The following WDFY2 variants were observed in gnomAD, a reference collection of about 807,000 sequenced individuals.
WDFY2 encodes the protein WD repeat and FYVE domain-containing protein 2.
In WDFY2, 36 loss-of-function variants were observed where a neutral mutation model predicts 56.4. The ratio of observed to expected loss-of-function variants is 0.64; its 90% CI spans 0.49 to 0.84. The LOEUF is 0.84. WDFY2 is among the 40% of genes least tolerant of loss of function. The probability of loss-of-function intolerance (pLI) is 0.00; values close to 1 mark genes in which losing one functional copy is unlikely to be tolerated. For missense variants in WDFY2, 444 were observed against 512.2 expected (o/e 0.87, Z 1.29); for synonymous variants, 176 against 183.7 (o/e 0.96, Z 0.34).
chr13:51,693,068 A>G (rs1951780438), intron 3 of WDFY2, among the ~76,000 whole-genome samples: 1 of 151,954 alleles, frequency 6.6e-6, no homozygotes, highest in African/African-American at 2.4e-5. Flanking sequence ...TATTGCGTCT[A>G]TTTGATTCTT....
intron 6 of WDFY2, among the ~76,000 whole-genome samples, chr13:51,731,191 T>G (rs1437334727): frequency 1.3e-5 from 2 of 152,170 alleles, no homozygotes; most frequent in Admixed American, 6.5e-5. Flanking sequence ...CAGAGGTGGC[T>G]TTCAGCCTGA....
At chr13:51,640,170 A>G (rs994828186) in intron 1 of WDFY2, among the ~76,000 whole-genome samples, 1 of 152,218 alleles carries the variant, frequency 6.6e-6, no homozygotes, top group Non-Finnish European at 1.5e-5. Flanking sequence ...AGTAAATGAC[A>G]AAAGTGTTTA....
At chr13:51,635,176 T>C (rs1208576812) in intron 1 of WDFY2, among the ~76,000 whole-genome samples, 1 of 152,112 alleles carries the variant, frequency 6.6e-6, no homozygotes, top group African/African-American at 2.4e-5. Flanking sequence ...GCTCCCGACC[T>C]TCAGTGATCT....
rs1953897671 is a variant in WDFY2, at chr13:51,584,581, G to A, written c.-107G>A. 7.1e-7 allele frequency: 1 copy of A among 1,404,196 alleles called. No individual in the cohort carries two copies. The highest frequency in any genetic ancestry group is 1.5e-5 in the African/African-American group (1 of 68,878). 87.0% of individuals were successfully genotyped at this position (1,404,196 alleles called of 1,614,324 possible). A position where few individuals can be genotyped will look rare whatever the true frequency, so the allele number is the denominator to read the frequency against. ...TCGCCGGTTTCCGGCGTTCCGCTCC[G>A]GCCAGCCAGAGTCTCTGTCTCAACC... is the stretch of plus-strand genomic sequence containing the variant. On this transcript the variant is annotated 5_prime_UTR_variant, in exon 1 of 12. Coordinates refer to ENST00000298125, the MANE Select transcript of WDFY2 (RefSeq NM_052950.4).
At chr13:51,689,767 T>C (rs1956121040) in intron 3 of WDFY2, among the ~76,000 whole-genome samples, 1 of 152,154 alleles carries the variant, frequency 6.6e-6, no homozygotes, top group South Asian at 2.1e-4. Flanking sequence ...TTCATAATTA[T>C]AAACAAACAA....
At chr13:51,714,033 AGGT>A (rs1952287978) in intron 4 of WDFY2, among the ~76,000 whole-genome samples, 1 of 151,882 alleles carries the variant, frequency 6.6e-6, no homozygotes, top group Non-Finnish European at 1.5e-5. Flanking sequence ...AGAGAGTGAA[AGGT>A]GGTGATGGTT....
chr13:51,694,890 C>T (rs1378807708), intron 3 of WDFY2, among the ~76,000 whole-genome samples: 1 of 152,006 alleles, frequency 6.6e-6, no homozygotes, highest in Non-Finnish European at 1.5e-5. Context: ...TCTTTTTGTT[C>T]TTTTTTCTCT....
chr13:51,632,798 A>C (rs988364489), intron 1 of WDFY2, among the ~76,000 whole-genome samples: 2 of 152,080 alleles, frequency 1.3e-5, no homozygotes, highest in African/African-American at 2.4e-5. Flanking sequence ...TTTTCACTTC[A>C]CCTAAAATAC....
chr13:51,738,171 T>C lies in WDFY2; in HGVS notation c.599-878T>C, dbSNP rs192407004. On this transcript the variant is annotated intron_variant, in intron 6 of 11. Coordinates refer to ENST00000298125, the MANE Select transcript of WDFY2 (RefSeq NM_052950.4). ...TCTTTTCAGAATATAATATTTTTAA[T>C]AATGTAAAAAATGAGTATTTCTGAC... Among the ~76,000 whole-genome samples, 843 of 152,354 alleles carry C rather than the reference T, an allele frequency of 5.5e-3. 7 individuals carry two copies. Among genetic ancestry groups the C allele is most frequent in the Middle Eastern group, 0.034 (10 of 294 alleles).
rs1053473920 is a variant in WDFY2, at chr13:51,710,421, T to C, written c.334+6771T>C. Among the ~76,000 whole-genome samples, 8 of 152,080 alleles carry C rather than the reference T, an allele frequency of 5.3e-5. 1 individual carries two copies. Among genetic ancestry groups the C allele is most frequent in the Admixed American group, 5.2e-4 (8 of 15,272 alleles). On this transcript the variant is annotated intron_variant, in intron 4 of 11. Transcript: ENST00000298125. ...CTCACCACTCCTATTCAACATAGTG[T>C]TGGAAGTTCTGGCCAGGGCAATGAG...
rs796987345 is a variant in WDFY2 at position 51,690,541 on chromosome 13, C to G, written c.280-13055C>G. Among the ~76,000 whole-genome samples, 339 of 152,150 alleles carry G rather than the reference C, an allele frequency of 2.2e-3. 1 individual carries two copies. The highest frequency in any genetic ancestry group is 0.02 in the South Asian group (97 of 4,820). ...GACGTGAACTCATCATTTTTTATGG[C>G]TGCATAGTATTCCATGGTGTATATG... On this transcript the variant is annotated intron_variant, in intron 3 of 11. Transcript: ENST00000298125.
intron 1 of WDFY2, among the ~76,000 whole-genome samples, chr13:51,605,745 A>G (rs1389701164): frequency 6.6e-6 from 1 of 152,214 alleles, no homozygotes; most frequent in Non-Finnish European, 1.5e-5. Flanking sequence ...ACACTGCGTG[A>G]TGAAGGAGAA....
chr13:51,747,658 A>G (rs1416202506), intron 7 of WDFY2, among the ~76,000 whole-genome samples: 1 of 152,156 alleles, frequency 6.6e-6, no homozygotes, highest in Admixed American at 6.5e-5. Context: ...CAGCCTCCCT[A>G]GTAGCTGGGA....
chr13:51,603,860 A>G (rs908825559), intron 1 of WDFY2, among the ~76,000 whole-genome samples: 1 of 152,238 alleles, frequency 6.6e-6, no homozygotes, highest in Non-Finnish European at 1.5e-5. Context: ...GGCCTTAGGC[A>G]CAAGGCAGGT....
chr13:51,601,196 A>G (rs556880738), intron 1 of WDFY2, among the ~76,000 whole-genome samples: 1 of 152,320 alleles, frequency 6.6e-6, no homozygotes, highest in African/African-American at 2.4e-5. Context: ...TATTTAATCA[A>G]CTGAAATCCA....
At chr13:51,696,914 C>A (rs928558817) in intron 3 of WDFY2, among the ~76,000 whole-genome samples, 1 of 151,960 alleles carries the variant, frequency 6.6e-6, no homozygotes, top group Non-Finnish European at 1.5e-5. Flanking sequence ...CAAATAGTTC[C>A]GTGGAATATG....
chr13:51,646,092 T>C (rs980374587), intron 1 of WDFY2, among the ~76,000 whole-genome samples: 4 of 152,236 alleles, frequency 2.6e-5, no homozygotes, highest in African/African-American at 9.6e-5. Context: ...CATCCTTTTT[T>C]ACTTGGTTTG....
chr13:51,604,466 A>G (rs1005380228), intron 1 of WDFY2, among the ~76,000 whole-genome samples: 37 of 152,308 alleles, frequency 2.4e-4, no homozygotes, highest in African/African-American at 8.9e-4. Flanking sequence ...AGGGCAGTTT[A>G]TTATGAGCCT....
intron 8 of WDFY2, among the ~76,000 whole-genome samples, chr13:51,751,907 A>G (rs547802625): frequency 8.5e-5 from 13 of 152,298 alleles, no homozygotes; most frequent in Middle Eastern, 3.4e-3. Context: ...TCTAGCACGT[A>G]TTTACATGTT....
Sources: allele counts gnomAD v4.1 joint callset (sites outside exome capture counted in the v4.1 genomes callset), GRCh38; gene constraint gnomAD v4.1.1; transcripts MANE v1.5; gene names NCBI Gene and HGNC (gene_info 2026-07-23, HGNC 2026-07-21).